The following MAP2K7 variants were observed in gnomAD, a reference collection of about 807,000 sequenced individuals.
MAP2K7 encodes mitogen-activated protein kinase kinase 7, also known as dual specificity mitogen-activated protein kinase kinase 7.
MAP2K7 carries 12 observed loss-of-function variants against 47.7 expected under a neutral mutation model. The observed-to-expected ratio is 0.25, with a 90% CI of 0.16 to 0.41. The LOEUF is 0.41. Ranked by LOEUF, MAP2K7 falls within the 10% of genes least tolerant of loss-of-function variation. MAP2K7 has a pLI of 1.00. For synonymous variants in MAP2K7, 299 were observed against 243.0 expected, an observed-to-expected ratio of 1.23 and a Z score of -2.14; for missense variants, 415 against 600.3, an observed-to-expected ratio of 0.69 and a Z score of 3.23.
In MAP2K7 at chr19:7,912,455, C is replaced by T; in HGVS notation, c.*24C>T. The T allele has an allele frequency of 1.3e-6, 2 of 1,595,628 alleles. No individual in the cohort carries two copies. The highest frequency in any genetic ancestry group is 1.7e-6 in the Non-Finnish European group (2 of 1,174,638). ...AGCTGCTTGGCGGCGGCCAGCCCCACAGGGGGCCAGGGGCATGGCCACAGG... is the reference window on the plus strand; with the variant it reads ...AGCTGCTTGGCGGCGGCCAGCCCCATAGGGGGCCAGGGGCATGGCCACAGG... On this transcript the variant is annotated 3_prime_UTR_variant, in exon 11 of 11. Coordinates refer to ENST00000397979, the MANE Select transcript of MAP2K7 (RefSeq NM_145185.4).
At position 7,912,585 on chromosome 19, in the gene MAP2K7, C is replaced by G. The variant is rs541357043; in HGVS notation, c.*154C>G. On this transcript the variant is annotated 3_prime_UTR_variant, in exon 11 of 11. Coordinates refer to ENST00000397979, the MANE Select transcript of MAP2K7 (RefSeq NM_145185.4). ...GAGTGGGGGGTGCCCACCCACCCCC[C>G]CCGCCCCGGGCCTACCAAGCCCCCG... The G allele has an allele frequency of 1.1e-5, 10 of 895,874 alleles. No individual in the cohort carries two copies. The East Asian group carries it at 1.6e-4, about 14-fold the overall frequency. 55.5% of individuals were successfully genotyped at this position (895,874 alleles called of 1,614,324 possible).
chr19:7,912,037 C>G (rs769245717), intron 9 of MAP2K7, 112 bp from the exon 10 acceptor site: 25 of 938,472 alleles, frequency 2.7e-5, no homozygotes, highest in Non-Finnish European at 4.1e-5. Flanking sequence ...GCTCCTTCCC[C>G]CACACACATC....
chr19:7,905,324 A>G (rs1398472879), intron 1 of MAP2K7, among the ~76,000 whole-genome samples: 3 of 151,454 alleles, frequency 2.0e-5, no homozygotes, highest in Non-Finnish European at 4.4e-5. Context: ...TCACAGCCTG[A>G]CACCCTCCTG....
chr19:7,908,571 C>T (rs966501091), intron 1 of MAP2K7, among the ~76,000 whole-genome samples: 5 of 151,916 alleles, frequency 3.3e-5, no homozygotes, highest in East Asian at 1.9e-4. Flanking sequence ...AAAAGGTGGA[C>T]GAGGCAGGAG....
chr19:7,904,187 C>T lies in MAP2K7; in HGVS notation c.124+119C>T, dbSNP rs986591968. On this transcript the variant is annotated intron_variant, in intron 1 of 10. Transcript: ENST00000397979. ...TCCGGGGCGCTCGCTCTCCTCTCCGCCCCCCCCGCTGCGGGCTCGCGGGGC... is the reference window on the plus strand; with the variant it reads ...TCCGGGGCGCTCGCTCTCCTCTCCGTCCCCCCCGCTGCGGGCTCGCGGGGC... The T allele has an allele frequency of 4.8e-5, 38 of 797,324 alleles. 1 individual carries two copies. The highest frequency in any genetic ancestry group is 3.7e-4 in the African/African-American group (20 of 53,524). The allele number at this position is 797,324 out of a possible 1,614,324, so 49.4% of individuals were successfully genotyped here.
At position 7,912,305 on chromosome 19, in the gene MAP2K7, C is replaced by G; in HGVS notation, c.1134C>G (p.Ser378Arg). 3.7e-6 allele frequency: 6 copies of G among 1,613,754 alleles called. No homozygotes were observed. The highest frequency in any genetic ancestry group is 5.1e-6 in the Non-Finnish European group (6 of 1,179,964). The change falls in exon 11 of 11, where the codon AGC (serine) becomes AGG (arginine). Residue 378 changes from serine to arginine, a missense_variant. Coordinates refer to ENST00000397979, the MANE Select transcript of MAP2K7 (RefSeq NM_145185.4). ...RPKYNKLLEH[S>R]FIKRYETLEV... is the part of the protein sequence containing the mutation. ...CCCCCTCGGGCCCACAGGAACACAG[C>G]TTCATCAAGCGCTACGAGACGCTGG...
Position 7,912,646 on chromosome 19 carries a change from C to T in MAP2K7, c.*215C>T, listed in dbSNP as rs563137314. 2.3e-5 allele frequency: 14 copies of T among 596,774 alleles called. No homozygotes were observed. In the East Asian group the frequency reaches 2.8e-4, roughly 12 times the overall value. 37.0% of individuals were successfully genotyped at this position (596,774 alleles called of 1,614,324 possible). ...CCCGGGGTCAGCCGGCCGTGTGCGT[C>T]CCCCGACAGACACTGTGAACGGAAG... On this transcript the variant is annotated 3_prime_UTR_variant, in exon 11 of 11. Coordinates refer to ENST00000397979, the MANE Select transcript of MAP2K7 (RefSeq NM_145185.4).
intron 3 of MAP2K7, 34 bp from the exon 4 acceptor site, chr19:7,910,226 C>T (rs748489338): frequency 5.0e-6 from 8 of 1,608,676 alleles, no homozygotes; most frequent in East Asian, 2.2e-5. Flanking sequence ...TGGCAGAGGC[C>T]CCAGGGACCC....
At position 7,909,801 on chromosome 19, in the gene MAP2K7, C is replaced by G. The variant is rs1385615588; in HGVS notation, c.171C>G (p.Ser57=). The change falls in exon 2 of 11, where the codon TCC becomes TCG. Residue 57 remains serine, a synonymous_variant. Transcript: ENST00000397979. The part of the protein sequence containing the change: ...LANDGGSRSP[S]SESSPQHPTP... ...ACGATGGGGGCAGCCGCTCGCCATC[C>G]TCAGAGAGCTCCCCGCAGCACCCCA... The G allele has an allele frequency of 1.3e-6, 2 of 1,543,294 alleles. No individual in the cohort carries two copies. Among genetic ancestry groups the G allele is most frequent in the Non-Finnish European group, 1.7e-6 (2 of 1,146,196 alleles).
intron 1 of MAP2K7, chr19:7,906,941 A>C (rs1268562653): frequency 6.6e-6 from 1 of 152,140 alleles, no homozygotes; most frequent in African/African-American, 2.4e-5. Context: ...GCTACTCGGG[A>C]GGCTGAGGCA....
At position 7,903,931 on chromosome 19, in the gene MAP2K7, T is replaced by C. The variant is rs1300362426; in HGVS notation, c.-14T>C. 6.6e-7 allele frequency: 1 copy of C among 1,509,200 alleles called. No individual in the cohort carries two copies. The highest frequency in any genetic ancestry group is 8.9e-7 in the Non-Finnish European group (1 of 1,128,316). The allele number at this position is 1,509,200 out of a possible 1,614,324, so 93.5% of individuals were successfully genotyped here. A position where few individuals can be genotyped will look rare whatever the true frequency, so the allele number is the denominator to read the frequency against. ...GCGGCCGGGCGGTGCGCGGCGGCGGTGGCGGCGGGGAAGATGGCGGCGTCC... is the reference window on the plus strand; with the variant it reads ...GCGGCCGGGCGGTGCGCGGCGGCGGCGGCGGCGGGGAAGATGGCGGCGTCC... On this transcript the variant is annotated 5_prime_UTR_variant, in exon 1 of 11. Coordinates refer to ENST00000397979, the MANE Select transcript of MAP2K7 (RefSeq NM_145185.4).
intron 1 of MAP2K7, among the ~76,000 whole-genome samples, chr19:7,905,143 T>C (rs1982363657): frequency 6.6e-6 from 1 of 152,190 alleles, no homozygotes; most frequent in Non-Finnish European, 1.5e-5. Context: ...ACACCACCCC[T>C]GACCCATGAT....
Position 7,913,536 on chromosome 19 carries a change from G to C in MAP2K7, c.*1105G>C, listed in dbSNP as rs1268681829. On this transcript the variant is annotated 3_prime_UTR_variant, in exon 11 of 11. Coordinates refer to ENST00000397979, the MANE Select transcript of MAP2K7 (RefSeq NM_145185.4). Reference sequence around the variant, plus strand: ...GGGTGGGGGCCGGGCTGAGGGTGGGGGTGCGAGGTGGTCACTCCCATCGTG... The same window carrying C: ...GGGTGGGGGCCGGGCTGAGGGTGGGCGTGCGAGGTGGTCACTCCCATCGTG... 1 of 151,556 alleles carries C rather than the reference G, an allele frequency of 6.6e-6. No homozygotes were observed. The highest frequency in any genetic ancestry group is 1.5e-5 in the Non-Finnish European group (1 of 67,902). The allele number at this position is 151,556 out of a possible 1,614,324, so 9.4% of individuals were successfully genotyped here.
In MAP2K7 at chr19:7,910,738, G is replaced by T; in HGVS notation, c.610G>T (p.Glu204Ter). ...IAMELMGTCA[E>*]KLKKRMQGPI... ...CATGGAGCTCATGGGCACCTGCGCT[G>T]AGAAGCTCAAGAAGCGGATGCAGGG... The change falls in exon 6 of 11, where the codon GAG becomes TAG. Residue 204 changes from glutamate to a stop codon, truncating the protein, a stop_gained. Transcript: ENST00000397979. LOFTEE classifies it high-confidence loss of function. 1 of 1,612,024 alleles carries T rather than the reference G, an allele frequency of 6.2e-7. No individual in the cohort carries two copies. The highest frequency in any genetic ancestry group is 1.1e-5 in the South Asian group (1 of 90,922).
Position 7,910,751 on chromosome 19 carries a change from A to G in MAP2K7, c.623A>G (p.Lys208Arg). 1 of 1,612,094 alleles carries G rather than the reference A, an allele frequency of 6.2e-7. No homozygotes were observed. Among genetic ancestry groups the G allele is most frequent in the Non-Finnish European group, 8.5e-7 (1 of 1,179,594 alleles). The change falls in exon 6 of 11, where the codon AAG (lysine) becomes AGG (arginine). Residue 208 changes from lysine (K) to arginine (R), a missense_variant. This residue lies in a region of MAP2K7 where 206 missense variants were observed against 368.8 expected (regional missense o/e 0.56). Transcript: ENST00000397979. ...LMGTCAEKLK[K>R]RMQGPIPERI... ...GGCACCTGCGCTGAGAAGCTCAAGA[A>G]GCGGATGCAGGGCCCCATCCCCGAG...
chr19:7,911,284 C>T lies in MAP2K7; in HGVS notation c.890C>T (p.Pro297Leu). 3 of 1,613,310 alleles carry T rather than the reference C, an allele frequency of 1.9e-6. No homozygotes were observed. Among genetic ancestry groups the T allele is most frequent in the Non-Finnish European group, 1.7e-6 (2 of 1,179,978 alleles). ...ATTGACCCCCCAGACCCCACCAAGC[C>T]GGACTATGACATCCGGGCCGACGTA... ...ERIDPPDPTK[P>L]DYDIRADVWS... The change falls in exon 8 of 11, where the codon CCG becomes CTG. Residue 297 changes from proline (P) to leucine (L), a missense_variant. Pro to Leu is a moderately conservative substitution (Grantham distance 98). This residue lies in a region of MAP2K7 where 206 missense variants were observed against 368.8 expected (regional missense o/e 0.56). Transcript: ENST00000397979.
chr19:7,910,334 G>A lies in MAP2K7; in HGVS notation c.408G>A (p.Lys136=). 6.2e-7 allele frequency: 1 copy of A among 1,613,294 alleles called. No individual in the cohort carries two copies. Among genetic ancestry groups the A allele is most frequent in the Non-Finnish European group, 8.5e-7 (1 of 1,179,952 alleles). Residue 136 remains lysine, a synonymous_variant, in exon 4 of 11, where the codon AAG becomes AAA. Transcript: ENST00000397979. ...GCGGCACCTGCGGCCAGGTGTGGAAGATGCGCTTCCGGAAGACCGGCCACG... is the reference window on the plus strand; with the variant it reads ...GCGGCACCTGCGGCCAGGTGTGGAAAATGCGCTTCCGGAAGACCGGCCACG... ...MGSGTCGQVW[K]MRFRKTGHVI...
intron 1 of MAP2K7, among the ~76,000 whole-genome samples, chr19:7,908,511 A>C (rs73501919): frequency 0.21 from 31,600 of 152,076 alleles, 3,515 homozygotes; most frequent in Non-Finnish European, 0.25. Flanking sequence ...TTGTCTGTTC[A>C]TATTAGTCCC....
At chr19:7,910,219 C>T in intron 3 of MAP2K7, 41 bp from the exon 4 acceptor site, 1 of 1,605,822 alleles carries the variant, frequency 6.2e-7, no homozygotes, top group Non-Finnish European at 8.5e-7. Flanking sequence ...GGGGCGGTGG[C>T]AGAGGCCCCA....
Sources: allele counts gnomAD v4.1 joint callset (sites outside exome capture counted in the v4.1 genomes callset), GRCh38; gene constraint gnomAD v4.1.1; regional missense constraint gnomAD v4.1.1; transcripts MANE v1.5; gene names NCBI Gene and HGNC (gene_info 2026-07-23, HGNC 2026-07-21).